Variants in FBXL16 observed in about 807,000 individuals in gnomAD.
The protein encoded by FBXL16 is F-box/LRR-repeat protein 16.
Under a neutral mutation model 36.7 loss-of-function variants are expected in FBXL16, and 7 were observed. The ratio of observed to expected loss-of-function variants is 0.19; its 90% confidence interval spans 0.11 to 0.36. FBXL16 has a LOEUF of 0.36. FBXL16 is among the 10% of genes least tolerant of loss of function. The probability of loss-of-function intolerance (pLI) is 1.00; values close to 1 mark genes in which losing one functional copy is unlikely to be tolerated. For missense variants in FBXL16, 463 were observed against 659.4 expected, an observed-to-expected ratio of 0.70 and a Z score of 3.26; for synonymous variants, 355 against 308.7, an observed-to-expected ratio of 1.15 and a Z score of -1.57.
intron 3 of FBXL16, 69 bp from the exon 4 acceptor site, chr16:695,145 G>T: frequency 6.7e-7 from 1 of 1,494,188 alleles, no homozygotes; most frequent in Non-Finnish European, 9.1e-7. Flanking sequence ...GTCTTCCTGG[G>T]AGTGCCCCTG....
intron 1 of FBXL16, among the ~76,000 whole-genome samples, chr16:698,465 C>A (rs374601532): frequency 1.3e-5 from 2 of 152,340 alleles, no homozygotes; most frequent in South Asian, 2.1e-4. Context: ...AGGTACCCAC[C>A]AGGCCCACCC....
chr16:696,736 GC>G (rs776026421), intron 2 of FBXL16, 36 bp downstream of exon 2: 5 of 1,342,184 alleles, frequency 3.7e-6, no homozygotes, highest in East Asian at 2.7e-5. Context: ...GCCCGCCCCT[GC>G]CCCCCAGCCC....
chr16:699,876 A>C (rs570653076), intron 1 of FBXL16, among the ~76,000 whole-genome samples: 60 of 152,234 alleles, frequency 3.9e-4, no homozygotes, highest in African/African-American at 1.4e-3. Context: ...GGGCCCTGCA[A>C]TATGCAGACT....
At chr16:695,275 C>A (rs1415451473) in intron 3 of FBXL16, 140 bp downstream of exon 3, 2 of 1,178,358 alleles carry the variant, frequency 1.7e-6, no homozygotes, top group Admixed American at 3.0e-5. Context: ...ACTCCCCAGG[C>A]TCCGAGGGCT....
Position 693,369 on chromosome 16 carries a change from G to C in FBXL16, c.*906C>G, listed in dbSNP as rs2039985321. 1 of 152,438 alleles carries C rather than the reference G, an allele frequency of 6.6e-6. No individual in the cohort carries two copies. Among genetic ancestry groups the C allele is most frequent in the African/African-American group, 2.4e-5 (1 of 41,464 alleles). The allele number at this position is 152,438 out of a possible 1,614,324, so 9.4% of individuals were successfully genotyped here. A position where few individuals can be genotyped will look rare whatever the true frequency, so the allele number is the denominator to read the frequency against. ...CCAGGCCTGAACTGAGCCCGGCCGG[G>C]TGCAAGGGCTGAGGTGTGAGGTCGG... On this transcript the variant is annotated 3_prime_UTR_variant, in exon 6 of 6. Transcript: ENST00000397621.
chr16:696,386 C>G (rs1037284719), intron 2 of FBXL16, among the ~76,000 whole-genome samples: 2 of 152,148 alleles, frequency 1.3e-5, no homozygotes, highest in Non-Finnish European at 2.9e-5. Context: ...TCAGTGTCCT[C>G]CCAAGTAGCT....
intron 1 of FBXL16, among the ~76,000 whole-genome samples, chr16:702,470 G>A (rs2040064611): frequency 6.6e-6 from 1 of 152,194 alleles, no homozygotes; most frequent in African/African-American, 2.4e-5. Context: ...GACTCTTGAG[G>A]ACAGACAGCA....
Position 697,865 on chromosome 16 carries a change from T to C in FBXL16, c.-14-446A>G, listed in dbSNP as rs1056578309. ...AATACAAAAAATTAGCTGGGCATGGTGGCAGGCGCCTGTAGTACCAGCTAC... is the reference window on the plus strand; with the variant it reads ...AATACAAAAAATTAGCTGGGCATGGCGGCAGGCGCCTGTAGTACCAGCTAC... On this transcript the variant is annotated intron_variant, in intron 1 of 5. Coordinates refer to ENST00000397621, the MANE Select transcript of FBXL16 (RefSeq NM_153350.4). This position sits in a 1 kb window ranked among gnomAD's most constrained non-coding sequence, Gnocchi z 4.6. Among the ~76,000 whole-genome samples the C allele has an allele frequency of 3.3e-5, 5 of 151,890 alleles. No homozygotes were observed. In the East Asian group the frequency reaches 9.7e-4, roughly 29 times the overall value.
At chr16:695,327 GC>G in intron 3 of FBXL16, 87 bp downstream of exon 3, 1 of 1,017,114 alleles carries the variant, frequency 9.8e-7, no homozygotes, top group Non-Finnish European at 1.2e-6. Flanking sequence ...GGAAGCCCCC[GC>G]CCCCGGCCCC....
Position 697,347 on chromosome 16 carries a change from A to C in FBXL16, c.59T>G (p.Leu20Arg), listed in dbSNP as rs1379271737. Residue 20 changes from leucine to arginine, a missense_variant, in exon 2 of 6, where the codon CTG becomes CGG. Transcript: ENST00000397621. The surrounding 1 kb of genome is among the most constrained non-coding windows in gnomAD (Gnocchi z 4.6). ...GTTGGGCTGGCCCGGCAGCTTCACC[A>C]GACCGTTTCGAGGCAAGCATGGAGG... ...PKPPCLPRNG[L>R]VKLPGQPNGL... The C allele has an allele frequency of 6.5e-7, 1 of 1,536,392 alleles. No individual in the cohort carries two copies. Among genetic ancestry groups the C allele is most frequent in the Non-Finnish European group, 8.7e-7 (1 of 1,147,246 alleles).
intron 1 of FBXL16, among the ~76,000 whole-genome samples, chr16:704,794 G>A (rs2040079643): frequency 6.6e-6 from 1 of 152,248 alleles, no homozygotes; most frequent in Admixed American, 6.5e-5. Context: ...ACAGAGCCTG[G>A]AGCCTGGGAA....
At position 697,350 on chromosome 16, in the gene FBXL16, C is replaced by T; in HGVS notation, c.56G>A (p.Gly19Asp). 6.5e-7 allele frequency: 1 copy of T among 1,536,598 alleles called. No homozygotes were observed. Residue 19 changes from glycine (G) to aspartate (D), a missense_variant, in exon 2 of 6, where the codon GGT becomes GAT. By Grantham distance (94) the Gly-to-Asp change is moderately conservative. Coordinates refer to ENST00000397621, the MANE Select transcript of FBXL16 (RefSeq NM_153350.4). The surrounding 1 kb of genome is among the most constrained non-coding windows in gnomAD (Gnocchi z 4.6). ...DPKPPCLPRN[G>D]LVKLPGQPNG... ...GGGCTGGCCCGGCAGCTTCACCAGA[C>T]CGTTTCGAGGCAAGCATGGAGGCTT...
chr16:705,306 G>A (rs1259454765), intron 1 of FBXL16, among the ~76,000 whole-genome samples: 1 of 152,088 alleles, frequency 6.6e-6, no homozygotes, highest in Non-Finnish European at 1.5e-5. Context: ...CCAGGGGCCG[G>A]GGCGCGGGGC....
rs1055221430 is a variant in FBXL16 at position 693,916 on chromosome 16, C to A, written c.*359G>T. 1 of 160,552 alleles carries A rather than the reference C, an allele frequency of 6.2e-6. No homozygotes were observed. Among genetic ancestry groups the A allele is most frequent in the Non-Finnish European group, 1.3e-5 (1 of 74,394 alleles). 9.9% of individuals were successfully genotyped at this position (160,552 alleles called of 1,614,324 possible). Reference sequence around the variant, plus strand: ...CACAGTCTGGAGAGCTCAAAGCCCCCCCAAGGACCGAGCCCCGCCCCCCAA... The same window carrying A: ...CACAGTCTGGAGAGCTCAAAGCCCCACCAAGGACCGAGCCCCGCCCCCCAA... On this transcript the variant is annotated 3_prime_UTR_variant, in exon 6 of 6. Transcript: ENST00000397621.
intron 1 of FBXL16, among the ~76,000 whole-genome samples, chr16:703,722 C>T (rs1048240868): frequency 2.6e-5 from 4 of 152,246 alleles, no homozygotes; most frequent in Admixed American, 6.5e-5. Context: ...GGCACCATGG[C>T]GCAGCAGGCA....
chr16:702,486 G>A (rs750843442), intron 1 of FBXL16, among the ~76,000 whole-genome samples: 10 of 152,150 alleles, frequency 6.6e-5, no homozygotes, highest in East Asian at 1.9e-4. Context: ...CAGCACCAAC[G>A]TGCATGGCCT....
At chr16:704,858 C>T (rs1348109965) in intron 1 of FBXL16, among the ~76,000 whole-genome samples, 2 of 152,246 alleles carry the variant, frequency 1.3e-5, no homozygotes, top group Non-Finnish European at 2.9e-5. Context: ...CCGCAGCCCT[C>T]TCTCCTGAGG....
chr16:704,191 A>G (rs1450323483), intron 1 of FBXL16, among the ~76,000 whole-genome samples: 5 of 152,168 alleles, frequency 3.3e-5, no homozygotes, highest in Admixed American at 3.3e-4. Context: ...CAGCAACACA[A>G]GGCTTCCTGG....
chr16:696,246 T>TATTTATTTATTTATTC (rs10664962), intron 2 of FBXL16, among the ~76,000 whole-genome samples: 3 of 150,562 alleles, frequency 2.0e-5, no homozygotes, highest in Admixed American at 6.7e-5. Flanking sequence ...TTTATTTATT[T>TATTTATTTATTTATTC]ATTCATTCAT....
Sources: gnomAD v4.1 joint callset for allele counts (sites outside exome capture counted in the v4.1 genomes callset) on GRCh38, gnomAD v4.1.1 for gene constraint, Gnocchi (gnomAD v3.1) non-coding constraint, MANE v1.5 for transcripts, NCBI Gene and HGNC (gene_info 2026-07-23, HGNC 2026-07-21) for gene names.